RBM20: variants seen among roughly 807,000 people sequenced by gnomAD.
RBM20 encodes the protein RNA binding motif protein 20, also known as RNA-binding protein 20.
Under a neutral mutation model 110.1 loss-of-function variants are expected in RBM20, and 51 were observed. That is an observed-to-expected ratio of 0.46 (90% CI 0.37 to 0.59). The LOEUF (loss-of-function observed/expected upper bound fraction) is 0.59, where lower values mean the gene tolerates loss of function less well. Among genes scored for constraint, RBM20 ranks in the 20% least tolerant of loss-of-function variants. The probability of loss-of-function intolerance (pLI) is 0.00; values close to 1 mark genes in which losing one functional copy is unlikely to be tolerated. For synonymous variants in RBM20, 589 were observed against 618.2 expected (o/e 0.95, Z 0.70); for missense variants, 1,512 against 1,574.9 (o/e 0.96, Z 0.68).
At chr10:110,727,304 T>C (rs758569434) in intron 1 of RBM20, among the ~76,000 whole-genome samples, 29 of 150,962 alleles carry the variant, frequency 1.9e-4, no homozygotes, top group Non-Finnish European at 2.9e-4. Context: ...ACGCACGGTT[T>C]ATTCTGGTGT....
rs148351570 is a variant in RBM20 at position 110,657,337 on chromosome 10, C to A, written c.191+12692C>A. Among the ~76,000 whole-genome samples, 171 of 151,474 alleles carry A rather than the reference C, an allele frequency of 1.1e-3. 1 individual carries two copies. Among genetic ancestry groups the A allele is most frequent in the African/African-American group, 3.9e-3 (159 of 41,294 alleles). On this transcript the variant is annotated intron_variant, in intron 1 of 13. Transcript: ENST00000369519. ...GCCTGTTCTTTTTTTTTTTTAATGGCCATCCTAGTGGGTGTATGAAGTACT... is the reference window on the plus strand; with the variant it reads ...GCCTGTTCTTTTTTTTTTTTAATGGACATCCTAGTGGGTGTATGAAGTACT...
At chr10:110,721,523 G>A (rs1194868209) in intron 1 of RBM20, among the ~76,000 whole-genome samples, 1 of 152,106 alleles carries the variant, frequency 6.6e-6, no homozygotes, top group Non-Finnish European at 1.5e-5. Context: ...GTCCATGTTT[G>A]GGTCTGTCCA....
chr10:110,784,984 T>G (rs752428796), intron 5 of RBM20, 95 bp downstream of exon 5: 5 of 795,610 alleles, frequency 6.3e-6, no homozygotes, highest in Non-Finnish European at 1.0e-5. Context: ...TGGAATGCAA[T>G]GGTGCAATCA....
rs144393072 is a variant in RBM20 at position 110,712,421 on chromosome 10, C to T, written c.191+67776C>T. ...AGCTACTGCCATAGTCTGAGCATGACATGAGGAGGTTGGCTAGAATATTTC... is the reference window on the plus strand; with the variant it reads ...AGCTACTGCCATAGTCTGAGCATGATATGAGGAGGTTGGCTAGAATATTTC... On this transcript the variant is annotated intron_variant, in intron 1 of 13. Coordinates refer to ENST00000369519, the MANE Select transcript of RBM20 (RefSeq NM_001134363.3). 2.9e-3 allele frequency among the ~76,000 whole-genome samples: 436 copies of T among 152,292 alleles called. 6 individuals carry two copies. The highest frequency in any genetic ancestry group is 9.7e-3 in the African/African-American group (402 of 41,564).
intron 1 of RBM20, among the ~76,000 whole-genome samples, chr10:110,675,101 T>C (rs1215776158): frequency 7.0e-6 from 1 of 142,634 alleles, no homozygotes; most frequent in Non-Finnish European, 1.6e-5. Flanking sequence ...AGAAGAACAA[T>C]GGATCATCTG....
chr10:110,767,166 A>AC lies in RBM20; in HGVS notation c.192-13627dup, dbSNP rs1156789977. On this transcript the variant is annotated intron_variant, in intron 1 of 13. Coordinates refer to ENST00000369519, the MANE Select transcript of RBM20 (RefSeq NM_001134363.3). ...GGGTGGCTGGCCGGGCGGGGGGCTG[A>AC]CCCCCCCCACCTCCCTCCCAGACGG... Among the ~76,000 whole-genome samples, 24 of 57,530 alleles carry AC rather than the reference A, an allele frequency of 4.2e-4. 1 individual carries two copies. The highest frequency in any genetic ancestry group is 8.1e-4 in the African/African-American group (13 of 16,052). The allele number at this position is 57,530 out of a possible 152,430, so 37.7% of individuals were successfully genotyped here. A position where few individuals can be genotyped will look rare whatever the true frequency, so the allele number is the denominator to read the frequency against.
chr10:110,810,359 T>C (rs1368169460), intron 7 of RBM20, 24 bp from the exon 8 acceptor site: 1 of 1,537,896 alleles, frequency 6.5e-7, no homozygotes, highest in African/African-American at 1.4e-5. Context: ...TCTGATCTGA[T>C]GGTGATCTCT....
chr10:110,670,546 C>T (rs1196718433), intron 1 of RBM20, among the ~76,000 whole-genome samples: 1 of 152,212 alleles, frequency 6.6e-6, no homozygotes, highest in Non-Finnish European at 1.5e-5. Context: ...ATCCCTGCAG[C>T]ATTCATCTCT....
Position 110,784,900 on chromosome 10 carries a change from A to T in RBM20, c.1527+11A>T, listed in dbSNP as rs1225813798. On this transcript the variant is annotated intron_variant, in intron 5 of 13. Coordinates refer to ENST00000369519, the MANE Select transcript of RBM20 (RefSeq NM_001134363.3). ...TCTGTGGGGACAACTGTGAGTACGG[A>T]AACATTTTCTCTAGAAATTAATGAA... is the stretch of plus-strand genomic sequence containing the variant. 1 of 1,405,686 alleles carries T rather than the reference A, an allele frequency of 7.1e-7. No homozygotes were observed. The highest frequency in any genetic ancestry group is 9.8e-7 in the Non-Finnish European group (1 of 1,023,170). 87.1% of individuals were successfully genotyped at this position (1,405,686 alleles called of 1,614,324 possible).
At chr10:110,815,323 CT>C (rs533521994) in intron 9 of RBM20, among the ~76,000 whole-genome samples, 8 of 152,146 alleles carry the variant, frequency 5.3e-5, no homozygotes, top group African/African-American at 1.4e-4. Context: ...ACCCAGTAGT[CT>C]TTTTTTGCCC....
At chr10:110,663,177 C>A (rs1181603620) in intron 1 of RBM20, among the ~76,000 whole-genome samples, 2 of 152,064 alleles carry the variant, frequency 1.3e-5, no homozygotes, top group Non-Finnish European at 2.9e-5. Flanking sequence ...AGACTGGTCT[C>A]GACCTCCTGA....
At chr10:110,717,652 T>G (rs17127856) in intron 1 of RBM20, among the ~76,000 whole-genome samples, 8,283 of 152,266 alleles carry the variant, frequency 0.054, 765 homozygotes, top group African/African-American at 0.19. Flanking sequence ...TCAGATCTTG[T>G]TCACTTGTGT....
In RBM20 at chr10:110,820,096, A is replaced by G. The variant is rs1844888587; in HGVS notation, c.2575A>G (p.Met859Val). The change falls in exon 10 of 14, where the codon ATG becomes GTG. Residue 859 changes from methionine to valine, a missense_variant. Transcript: ENST00000369519. Reference protein sequence around the residue: ...NEAGKEEQEGMEESPQSVGRQ... With the variant: ...NEAGKEEQEGVEESPQSVGRQ... ...GGCTGGAAAAGAGGAACAGGAGGGC[A>G]TGGAAGAAAGCCCTCAATCAGTGGG... is the stretch of plus-strand genomic sequence containing the variant. 3.2e-6 allele frequency: 5 copies of G among 1,550,786 alleles called. No homozygotes were observed. The highest frequency in any genetic ancestry group is 2.6e-6 in the Non-Finnish European group (3 of 1,146,270).
At chr10:110,674,399 A>C (rs1052609231) in intron 1 of RBM20, among the ~76,000 whole-genome samples, 1 of 152,238 alleles carries the variant, frequency 6.6e-6, no homozygotes, top group African/African-American at 2.4e-5. Context: ...AGGTTAGAGC[A>C]GGATTCCAGT....
chr10:110,792,141 G>GTCTATCTATCTA (rs55998629), intron 5 of RBM20, among the ~76,000 whole-genome samples: 10 of 147,638 alleles, frequency 6.8e-5, no homozygotes, highest in South Asian at 2.2e-4. Context: ...TCCTCTATCT[G>GTCTATCTATCTA]TCTATCTATC....
chr10:110,717,025 C>A (rs1290427788), intron 1 of RBM20, among the ~76,000 whole-genome samples: 2 of 150,854 alleles, frequency 1.3e-5, no homozygotes, highest in South Asian at 4.2e-4. Flanking sequence ...GAGTTTTTTT[C>A]ATTGTTTGTT....
At chr10:110,831,681 A>C (rs868593866) in intron 13 of RBM20, among the ~76,000 whole-genome samples, 19 of 146,108 alleles carry the variant, frequency 1.3e-4, no homozygotes, top group African/African-American at 4.2e-4. Context: ...AAAAAAAAAA[A>C]AAAAAAAAAA....
chr10:110,785,734 G>A (rs1844411213), intron 5 of RBM20, among the ~76,000 whole-genome samples: 1 of 151,924 alleles, frequency 6.6e-6, no homozygotes, highest in African/African-American at 2.4e-5. Flanking sequence ...TGAAACACAT[G>A]ACTTAAGAAG....
At chr10:110,651,318 C>T (rs2134805968) in intron 1 of RBM20, among the ~76,000 whole-genome samples, 1 of 152,278 alleles carries the variant, frequency 6.6e-6, no homozygotes, top group East Asian at 1.9e-4. Flanking sequence ...GAATGAAATA[C>T]TTTCTCTAGC....
Sources: allele counts gnomAD v4.1 joint callset (sites outside exome capture counted in the v4.1 genomes callset), GRCh38; gene constraint gnomAD v4.1.1; transcripts MANE v1.5; gene names NCBI Gene and HGNC (gene_info 2026-07-23, HGNC 2026-07-21).